FRA10AC1: variants seen among roughly 807,000 people sequenced by gnomAD.
The protein encoded by FRA10AC1 is protein FRA10AC1.
In FRA10AC1, 43 loss-of-function variants were observed where a neutral mutation model predicts 56.5. That is an observed-to-expected ratio of 0.76 (90% CI 0.60 to 0.98). The LOEUF (loss-of-function observed/expected upper bound fraction) is 0.98. Among genes scored for constraint, FRA10AC1 ranks in the 50% least tolerant of loss-of-function variants. FRA10AC1 has a pLI of 0.00. For missense variants in FRA10AC1, 346 were observed against 351.8 expected (o/e 0.98, Z 0.13); for synonymous variants, 112 against 110.5 (o/e 1.01, Z -0.09).
chr10:93,694,351 C>T (rs2133935601), intron 5 of FRA10AC1, among the ~76,000 whole-genome samples: 1 of 152,058 alleles, frequency 6.6e-6, no homozygotes, highest in African/African-American at 2.4e-5. Flanking sequence ...TACCTGAGGC[C>T]TGTCCAAAAA....
At chr10:93,676,829 C>G in intron 11 of FRA10AC1, 138 bp from the exon 12 acceptor site, 1 of 1,297,190 alleles carries the variant, frequency 7.7e-7, no homozygotes. Context: ...TCTAATCTTT[C>G]ATGTTCCTTA....
At chr10:93,701,934 A>G (rs2059339561) in intron 1 of FRA10AC1, among the ~76,000 whole-genome samples, 1 of 152,140 alleles carries the variant, frequency 6.6e-6, no homozygotes, top group Admixed American at 6.5e-5. Context: ...AAAAGAGGCT[A>G]GTAAGATGGC....
rs774104425 is a variant in FRA10AC1, at chr10:93,687,382, A to T, written c.511+22T>A. On this transcript the variant is annotated intron_variant, in intron 8 of 13. Transcript: ENST00000359204. The stretch of plus-strand genomic sequence containing the variant: ...ACAAAATAAGTTTATCCTATTAAAA[A>T]GTAAAAATTTTAAAGAATTACCTTT... The T allele has an allele frequency of 2.8e-5, 41 of 1,463,444 alleles. No individual in the cohort carries two copies. The East Asian group carries it at 8.9e-4, about 32-fold the overall frequency. 90.7% of individuals were successfully genotyped at this position (1,463,444 alleles called of 1,614,324 possible). A position where few individuals can be genotyped will look rare whatever the true frequency, so the allele number is the denominator to read the frequency against.
At chr10:93,672,204 T>G (rs1370421799) in intron 12 of FRA10AC1, 2 of 313,552 alleles carry the variant, frequency 6.4e-6, no homozygotes, top group Non-Finnish European at 1.2e-5. Flanking sequence ...TTTTACCTGT[T>G]GGACTCTGAT....
At chr10:93,676,950 A>T (rs541878777) in intron 11 of FRA10AC1, among the ~76,000 whole-genome samples, 1 of 152,310 alleles carries the variant, frequency 6.6e-6, no homozygotes, top group South Asian at 2.1e-4. Context: ...AATACCTGCA[A>T]AAAAAATCTC....
At chr10:93,690,109 A>T (rs2059102352) in intron 7 of FRA10AC1, among the ~76,000 whole-genome samples, 1 of 152,170 alleles carries the variant, frequency 6.6e-6, no homozygotes, top group African/African-American at 2.4e-5. Context: ...GGTTTTAATT[A>T]ACTGAATAAT....
chr10:93,683,938 T>G (rs2058979378), intron 10 of FRA10AC1, 118 bp downstream of exon 10: 1 of 704,864 alleles, frequency 1.4e-6, no homozygotes, highest in Non-Finnish European at 2.5e-6. Context: ...CCACATTTTC[T>G]ACATGATCAA....
chr10:93,672,854 A>T (rs952160377), intron 12 of FRA10AC1: 1 of 157,296 alleles, frequency 6.4e-6, no homozygotes, highest in Non-Finnish European at 1.4e-5. Flanking sequence ...AGTCACTACA[A>T]ATCATTGCTA....
chr10:93,692,765 C>G, intron 5 of FRA10AC1, 36 bp from the exon 6 acceptor site: 1 of 1,383,524 alleles, frequency 7.2e-7, no homozygotes, highest in Non-Finnish European at 9.9e-7. Flanking sequence ...AATACAAAAA[C>G]AAAAGTAGTC....
At chr10:93,691,171 G>A (rs2059118469) in intron 7 of FRA10AC1, among the ~76,000 whole-genome samples, 1 of 152,052 alleles carries the variant, frequency 6.6e-6, no homozygotes, top group South Asian at 2.1e-4. Context: ...TGATGTTTGA[G>A]ATAGAAATAA....
chr10:93,694,713 T>TAA (rs10554752), intron 5 of FRA10AC1, 148 bp downstream of exon 5: 2,958 of 240,060 alleles, frequency 0.012, 102 homozygotes, highest in East Asian at 0.036. Flanking sequence ...GACTCCATCT[T>TAA]AAAAAAAAAA....
chr10:93,698,188 A>G lies in FRA10AC1; in HGVS notation c.174-7T>C, dbSNP rs1378709356. ...TCTATTTCTTGCTTCTTCCCTGTTA[A>G]AACAAATTTTTTTAAGAAAATTCAA... On this transcript the variant is annotated splice_region_variant and splice_polypyrimidine_tract_variant and intron_variant, in intron 3 of 13. Transcript: ENST00000359204. 2 of 1,577,938 alleles carry G rather than the reference A, an allele frequency of 1.3e-6. No individual in the cohort carries two copies. Among genetic ancestry groups the G allele is most frequent in the Non-Finnish European group, 1.7e-6 (2 of 1,156,042 alleles).
rs913762285 is a variant in FRA10AC1 at position 93,694,202 on chromosome 10, C to G, written c.296+659G>C. 2.6e-5 allele frequency among the ~76,000 whole-genome samples: 4 copies of G among 152,122 alleles called. No homozygotes were observed. In the East Asian group the frequency reaches 5.8e-4, roughly 22 times the overall value. On this transcript the variant is annotated intron_variant, in intron 5 of 13. Transcript: ENST00000359204. ...TGCTAGACTGAGAGTTCTTGTTTAC[C>G]TATCTTTTAAAAAGCAATCCCAAAC... is the stretch of plus-strand genomic sequence containing the variant.
Position 93,692,720 on chromosome 10 carries a change from G to T in FRA10AC1, c.306C>A (p.Asp102Glu), listed in dbSNP as rs376929060. Reference sequence around the variant, plus strand: ...CTCGTATAACATCCAAGTCTGTCTTGTCATTTTCCCTGGAAAACAGAACTT... The same window carrying T: ...CTCGTATAACATCCAAGTCTGTCTTTTCATTTTCCCTGGAAAACAGAACTT... ...KEDFKRLGENDKTDLDVIREN... is the reference protein window; with the variant it reads ...KEDFKRLGENEKTDLDVIREN... The change falls in exon 6 of 14, where the codon GAC (aspartate) becomes GAA (glutamate). Residue 102 changes from aspartate to glutamate, a missense_variant. By Grantham distance (45) the Asp-to-Glu change is conservative. Coordinates refer to ENST00000359204, the MANE Select transcript of FRA10AC1 (RefSeq NM_145246.5). 1.8e-5 allele frequency: 28 copies of T among 1,577,984 alleles called. No individual in the cohort carries two copies. Among genetic ancestry groups the T allele is most frequent in the Non-Finnish European group, 2.1e-5 (24 of 1,165,274 alleles).
intron 7 of FRA10AC1, among the ~76,000 whole-genome samples, chr10:93,689,060 G>GT (rs3085158): frequency 1.6e-3 from 209 of 127,006 alleles, no homozygotes; most frequent in East Asian, 0.011. Flanking sequence ...TTGTTGTGGG[G>GT]TTTTTTTTTT....
intron 5 of FRA10AC1, among the ~76,000 whole-genome samples, chr10:93,693,583 TATATATATACACACC>T (rs1288386564): frequency 9.1e-5 from 13 of 143,372 alleles, no homozygotes; most frequent in East Asian, 2.0e-4. Context: ...ATACACACCA[TATATATATACACACC>T]ATATATATAC....
chr10:93,675,017 C>T (rs1342489944), intron 12 of FRA10AC1: 1 of 152,044 alleles, frequency 6.6e-6, no homozygotes, highest in African/African-American at 2.4e-5. Flanking sequence ...CTACATTTTA[C>T]CTAATTTAGG....
chr10:93,683,192 T>C (rs1589719552), intron 10 of FRA10AC1, among the ~76,000 whole-genome samples: 2 of 152,246 alleles, frequency 1.3e-5, no homozygotes, highest in African/African-American at 4.8e-5. Context: ...AATTAAGCCT[T>C]ACAGAGGTTA....
chr10:93,694,915 A>G lies in FRA10AC1; in HGVS notation c.242T>C (p.Val81Ala). 2 of 1,569,896 alleles carry G rather than the reference A, an allele frequency of 1.3e-6. No homozygotes were observed. The highest frequency in any genetic ancestry group is 1.8e-6 in the Non-Finnish European group (2 of 1,139,766). The change falls in exon 5 of 14, where the codon GTA becomes GCA. Residue 81 changes from valine (V) to alanine (A), a missense_variant. Val to Ala is a moderately conservative substitution (Grantham distance 64). Coordinates refer to ENST00000359204, the MANE Select transcript of FRA10AC1 (RefSeq NM_145246.5). ...ACCATAGTATAAAATATAGTCATTT[A>G]CGAACTTTGTATGTCTTTGATACTG... ...MDAYQRHTKF[V>A]NDYILYYGGK...
Sources: gnomAD v4.1 joint callset for allele counts (sites outside exome capture counted in the v4.1 genomes callset) on GRCh38, gnomAD v4.1.1 for gene constraint, MANE v1.5 for transcripts, NCBI Gene and HGNC (gene_info 2026-07-23, HGNC 2026-07-21) for gene names.